The following SERINC5 variants were observed in gnomAD, a reference collection of about 807,000 sequenced individuals.
SERINC5 encodes the protein chromosome 5 open reading frame 12.
A neutral mutation model predicts 63.1 loss-of-function variants in SERINC5; 41 were observed. The ratio of observed to expected loss-of-function variants is 0.65; its 90% CI spans 0.51 to 0.84. The LOEUF (loss-of-function observed/expected upper bound fraction) is 0.84, where lower values mean the gene tolerates loss of function less well. Ranked by LOEUF, SERINC5 falls within the 40% of genes least tolerant of loss-of-function variation. The pLI is 0.00. For missense variants in SERINC5, 523 were observed against 573.0 expected, an observed-to-expected ratio of 0.91 and a Z score of 0.89; for synonymous variants, 222 against 215.2, an observed-to-expected ratio of 1.03 and a Z score of -0.28.
chr5:80,150,737 G>A lies in SERINC5; in HGVS notation c.1053+145C>T, dbSNP rs1030232844. ...AGGCGTGAGCCACCACACCCGGCCA[G>A]CATTTATTTTTCTATACAAAAATCT... On this transcript the variant is annotated intron_variant, in intron 9 of 11. Coordinates refer to ENST00000507668, the MANE Select transcript of SERINC5 (RefSeq NM_001174072.3). The A allele has an allele frequency of 3.9e-5, 26 of 671,784 alleles. No homozygotes were observed. The African/African-American group carries it at 4.5e-4, about 12-fold the overall frequency. The allele number at this position is 671,784 out of a possible 1,614,324, so 41.6% of individuals were successfully genotyped here. A position where few individuals can be genotyped will look rare whatever the true frequency, so the allele number is the denominator to read the frequency against.
At chr5:80,204,166 A>G (rs552021474) in intron 1 of SERINC5, among the ~76,000 whole-genome samples, 43 of 152,194 alleles carry the variant, frequency 2.8e-4, no homozygotes, top group Non-Finnish European at 5.4e-4. Context: ...AATCGCCAGT[A>G]AAGAGTTTTG....
In SERINC5 at chr5:80,239,465, TTC is replaced by T. The variant is rs1245638965; in HGVS notation, c.27+16429_27+16430del. 3.1e-5 allele frequency among the ~76,000 whole-genome samples: 4 copies of T among 129,538 alleles called. No individual in the cohort carries two copies. The East Asian group carries it at 8.2e-4, about 26-fold the overall frequency. 85.0% of individuals were successfully genotyped at this position (129,538 alleles called of 152,430 possible). ...TTTATGGTTTGGGTGAACACTGGGA[TTC>T]TTTTTTTTTTTTTTTTTCATGTCAC... On this transcript the variant is annotated intron_variant, in intron 1 of 11. Coordinates refer to ENST00000507668, the MANE Select transcript of SERINC5 (RefSeq NM_001174072.3).
intron 1 of SERINC5, among the ~76,000 whole-genome samples, chr5:80,247,527 G>A (rs1321240171): frequency 6.6e-6 from 1 of 152,168 alleles, no homozygotes; most frequent in East Asian, 1.9e-4. Context: ...TTTGTCAGCT[G>A]GACAGGTCAG....
rs755974417 is a variant in SERINC5, at chr5:80,169,590, A to G, written c.552-44T>C. 6.7e-6 allele frequency: 10 copies of G among 1,502,398 alleles called. No individual in the cohort carries two copies. The South Asian group carries it at 9.4e-5, about 14-fold the overall frequency. The allele number at this position is 1,502,398 out of a possible 1,614,324, so 93.1% of individuals were successfully genotyped here. A position where few individuals can be genotyped will look rare whatever the true frequency, so the allele number is the denominator to read the frequency against. ...GGTAAGAGGGAGAGGAGAGAAGACA[A>G]GTCAACGAAGCCCACCATTCTGCGG... On this transcript the variant is annotated intron_variant, in intron 5 of 11. Coordinates refer to ENST00000507668, the MANE Select transcript of SERINC5 (RefSeq NM_001174072.3).
chr5:80,158,740 A>G, intron 8 of SERINC5, 96 bp downstream of exon 8: 1 of 1,226,662 alleles, frequency 8.2e-7, no homozygotes, highest in Non-Finnish European at 1.1e-6. Context: ...CCCTCCTCAA[A>G]TGGTTGCAGC....
At chr5:80,212,649 A>G (rs1231864075) in intron 1 of SERINC5, among the ~76,000 whole-genome samples, 4 of 79,020 alleles carry the variant, frequency 5.1e-5, no homozygotes, top group Non-Finnish European at 9.5e-5. Context: ...CCCACTACAA[A>G]AGGGCAGTGG....
rs70982026 is a variant in SERINC5, at chr5:80,164,910, G to GTTTTTTTTT, written c.859+1464_859+1472dup. 2.7e-3 allele frequency among the ~76,000 whole-genome samples: 230 copies of GTTTTTTTTT among 85,192 alleles called. 12 individuals carry two copies. Among genetic ancestry groups the GTTTTTTTTT allele is most frequent in the African/African-American group, 6.7e-3 (138 of 20,464 alleles). 55.9% of individuals were successfully genotyped at this position (85,192 alleles called of 152,430 possible). A position where few individuals can be genotyped will look rare whatever the true frequency, so the allele number is the denominator to read the frequency against. On this transcript the variant is annotated intron_variant, in intron 7 of 11. Transcript: ENST00000507668. ...TGAAATTTAAAATAACTTTTTTTCT[G>GTTTTTTTTT]TTTTTTTTTTTTTTTTTTTTTTGTA...
chr5:80,164,338 TG>T (rs59985143), intron 7 of SERINC5, among the ~76,000 whole-genome samples: 4 of 144,808 alleles, frequency 2.8e-5, no homozygotes, highest in African/African-American at 5.1e-5. Context: ...TGGGTTTTTT[TG>T]GGGGGGAGGG....
At chr5:80,182,014 A>C (rs1748460689) in intron 2 of SERINC5, among the ~76,000 whole-genome samples, 1 of 152,214 alleles carries the variant, frequency 6.6e-6, no homozygotes. Flanking sequence ...ATGTTTAATC[A>C]GTAACATTTA....
rs34495963 is a variant in SERINC5 at position 80,251,286 on chromosome 5, A to ACATG, written c.27+4606_27+4609dup. ...AGCTAGATCCCATCTTTAAATACAT[A>ACATG]CATGCATACATACATACATACATAC... On this transcript the variant is annotated intron_variant, in intron 1 of 11. Transcript: ENST00000507668. Among the ~76,000 whole-genome samples the ACATG allele has an allele frequency of 9.9e-4, 53 of 53,696 alleles. 1 individual carries two copies. Among genetic ancestry groups the ACATG allele is most frequent in the South Asian group, 6.3e-3 (15 of 2,398 alleles). The allele number at this position is 53,696 out of a possible 152,430, so 35.2% of individuals were successfully genotyped here.
chr5:80,176,108 G>C (rs1262756088), intron 4 of SERINC5, among the ~76,000 whole-genome samples: 2 of 152,010 alleles, frequency 1.3e-5, no homozygotes, highest in Non-Finnish European at 2.9e-5. Context: ...GAACCCGTGA[G>C]GCAGAGGCTG....
chr5:80,138,840 A>G lies in SERINC5; in HGVS notation c.*4823T>C, dbSNP rs1018960968. On this transcript the variant is annotated 3_prime_UTR_variant, in exon 12 of 12. Transcript: ENST00000507668. ...AGGCAACATCTCTGCAAAACAACTA[A>G]CTTGAGTACTTTAATTATATATGTA... 1 of 983,088 alleles carries G rather than the reference A, an allele frequency of 1.0e-6. No homozygotes were observed. Among genetic ancestry groups the G allele is most frequent in the Non-Finnish European group, 1.2e-6 (1 of 827,810 alleles). 60.9% of individuals were successfully genotyped at this position (983,088 alleles called of 1,614,324 possible).
At chr5:80,240,830 G>A (rs1428282178) in intron 1 of SERINC5, among the ~76,000 whole-genome samples, 1 of 151,872 alleles carries the variant, frequency 6.6e-6, no homozygotes, top group Non-Finnish European at 1.5e-5. Flanking sequence ...ATGCCACCAT[G>A]CCTGAATAAT....
chr5:80,184,165 T>C (rs554626188), intron 2 of SERINC5, among the ~76,000 whole-genome samples: 1 of 152,274 alleles, frequency 6.6e-6, no homozygotes, highest in East Asian at 1.9e-4. Flanking sequence ...GGAGAAGCCA[T>C]ACCACTTCAT....
intron 9 of SERINC5, among the ~76,000 whole-genome samples, chr5:80,147,591 G>T (rs890482850): frequency 3.3e-5 from 5 of 151,874 alleles, no homozygotes; most frequent in African/African-American, 9.7e-5. Context: ...CAGGGGTAAA[G>T]GCCGTGCCTT....
At chr5:80,252,058 C>CTTTTTTTTTT (rs3038416) in intron 1 of SERINC5, among the ~76,000 whole-genome samples, 1 of 103,514 alleles carries the variant, frequency 9.7e-6, no homozygotes, top group Non-Finnish European at 1.9e-5. Context: ...TTTTCTTTTC[C>CTTTTTTTTTT]TTTTTTTTTT....
intron 1 of SERINC5, among the ~76,000 whole-genome samples, chr5:80,216,534 G>C (rs1457387886): frequency 6.6e-6 from 1 of 152,130 alleles, no homozygotes; most frequent in Non-Finnish European, 1.5e-5. Flanking sequence ...AGAGCTGTGG[G>C]AACATTCACT....
At chr5:80,121,721 A>C (rs1366244202) in intron 11 of SERINC5, among the ~76,000 whole-genome samples, 4 of 152,170 alleles carry the variant, frequency 2.6e-5, no homozygotes, top group African/African-American at 9.7e-5. Context: ...TGGCACCAGC[A>C]TCTGCTTCTG....
intron 2 of SERINC5, among the ~76,000 whole-genome samples, chr5:80,197,318 A>T (rs1383524638): frequency 2.4e-4 from 3 of 12,412 alleles, no homozygotes; most frequent in Non-Finnish European, 4.6e-4. Flanking sequence ...TGAGAGAGAG[A>T]GAGAGAGAGA....
Sources: allele counts gnomAD v4.1 joint callset (sites outside exome capture counted in the v4.1 genomes callset), GRCh38; gene constraint gnomAD v4.1.1; transcripts MANE v1.5; gene names NCBI Gene and HGNC (gene_info 2026-07-23, HGNC 2026-07-21).